FGD2: variants seen among roughly 807,000 people sequenced by gnomAD.
FGD2 encodes FYVE, RhoGEF and PH domain containing 2, also known as FYVE, RhoGEF and PH domain-containing protein 2.
In FGD2, 52 loss-of-function variants were observed where a neutral mutation model predicts 75.9. The observed-to-expected ratio is 0.69, with a 90% CI of 0.55 to 0.86. The LOEUF is 0.86. Ranked by LOEUF, FGD2 falls within the 40% of genes least tolerant of loss-of-function variation. The pLI is 0.00. For synonymous variants in FGD2, 347 were observed against 348.6 expected, an observed-to-expected ratio of 1.00 and a Z score of 0.05; for missense variants, 790 against 872.0, an observed-to-expected ratio of 0.91 and a Z score of 1.18.
chr6:37,016,511 C>T (rs1765302731), intron 9 of FGD2, among the ~76,000 whole-genome samples: 1 of 149,996 alleles, frequency 6.7e-6, no homozygotes, highest in Non-Finnish European at 1.5e-5. Flanking sequence ...CCCCATGATG[C>T]AGGGGCTGTT....
chr6:37,028,273 G>T lies in FGD2; in HGVS notation c.*110G>T. On this transcript the variant is annotated 3_prime_UTR_variant, in exon 16 of 16. Transcript: ENST00000274963. Reference sequence around the variant, plus strand: ...CACTGCCCCAAGTGGTGCTTTCAGAGAATTGATTCAGCCATCTGCGCCCAG... The same window carrying T: ...CACTGCCCCAAGTGGTGCTTTCAGATAATTGATTCAGCCATCTGCGCCCAG... 1 of 1,126,286 alleles carries T rather than the reference G, an allele frequency of 8.9e-7. No homozygotes were observed. The highest frequency in any genetic ancestry group is 1.7e-5 in the South Asian group (1 of 59,278). The allele number at this position is 1,126,286 out of a possible 1,614,324, so 69.8% of individuals were successfully genotyped here.
At chr6:37,012,113 A>G in intron 4 of FGD2, 1 of 406,228 alleles carries the variant, frequency 2.5e-6, no homozygotes, top group Non-Finnish European at 4.4e-6. Flanking sequence ...ACTTTGGGAC[A>G]GTGAAAATAG....
chr6:37,012,759 A>G (rs1765073511), intron 4 of FGD2, among the ~76,000 whole-genome samples: 1 of 151,408 alleles, frequency 6.6e-6, no homozygotes, highest in African/African-American at 2.4e-5. Flanking sequence ...ATATAACCCT[A>G]TGAGATCGCC....
At chr6:37,022,052 G>A (rs2150781641) in intron 12 of FGD2, 187 bp from the exon 13 acceptor site, 2 of 747,822 alleles carry the variant, frequency 2.7e-6, no homozygotes, top group South Asian at 2.2e-5. Context: ...TTATACAATA[G>A]GAATAATGGT....
chr6:37,021,567 C>A lies in FGD2; in HGVS notation c.1289C>A (p.Ala430Glu), dbSNP rs374091470. The change falls in exon 12 of 16, where the codon GCG (alanine) becomes GAG (glutamate). Residue 430 changes from alanine to glutamate, a missense_variant. Physicochemically the swap from Ala to Glu is moderately radical, Grantham distance 107 (BLOSUM62 -1). Transcript: ENST00000274963. ...IEKRNETFKA[A>E]AQGPEGDIQE... ...AAGCGGAATGAAACCTTCAAGGCTG[C>A]GGCCCAGGGGCCTGAGGGAGACATC... The A allele has an allele frequency of 2.5e-6, 4 of 1,613,972 alleles. No homozygotes were observed. Among genetic ancestry groups the A allele is most frequent in the Admixed American group, 1.7e-5 (1 of 60,000 alleles).
In FGD2 at chr6:37,025,802, C is replaced by T; in HGVS notation, c.1469C>T (p.Ala490Val). The change falls in exon 14 of 16, where the codon GCC (alanine) becomes GTC (valine). Residue 490 changes from alanine to valine, a missense_variant. Coordinates refer to ENST00000274963, the MANE Select transcript of FGD2 (RefSeq NM_173558.4). The part of the protein sequence containing the change: ...HCRACGYVVC[A>V]RCSDYRAELK... ...ATGTGTCCTCCTCAGGTGGTGTGTGCCAGGTGCTCCGACTACCGGGCCGAA... is the reference window on the plus strand; with the variant it reads ...ATGTGTCCTCCTCAGGTGGTGTGTGTCAGGTGCTCCGACTACCGGGCCGAA... 6.2e-7 allele frequency: 1 copy of T among 1,614,168 alleles called. No individual in the cohort carries two copies. Among genetic ancestry groups the T allele is most frequent in the Non-Finnish European group, 8.5e-7 (1 of 1,180,030 alleles).
intron 8 of FGD2, 124 bp from the exon 9 acceptor site, chr6:37,015,644 A>G: frequency 1.2e-6 from 1 of 825,968 alleles, no homozygotes; most frequent in Non-Finnish European, 2.0e-6. Flanking sequence ...GGCTGGCCAG[A>G]GTGTGTTCAA....
At chr6:37,025,476 C>T (rs1252250018) in intron 13 of FGD2, 4 of 375,556 alleles carry the variant, frequency 1.1e-5, no homozygotes, top group Non-Finnish European at 2.0e-5. Context: ...GGGGCAAGCC[C>T]CTTGGGTTCA....
chr6:37,027,028 T>A (rs1583329260), intron 14 of FGD2, among the ~76,000 whole-genome samples: 1 of 148,228 alleles, frequency 6.7e-6, no homozygotes, highest in Non-Finnish European at 1.5e-5. Context: ...AAAGTTGGCC[T>A]TTTTCCACGG....
Position 37,010,964 on chromosome 6 carries a change from C to A in FGD2, c.301-9C>A. The A allele has an allele frequency of 1.2e-6, 2 of 1,614,000 alleles. No individual in the cohort carries two copies. Among genetic ancestry groups the A allele is most frequent in the Non-Finnish European group, 1.7e-6 (2 of 1,179,834 alleles). ...TTTTTCTCCTTCTCTCCCCTCCAAT[C>A]CTCCGCAGGAGCCAGAGAAGAAGAT... On this transcript the variant is annotated splice_polypyrimidine_tract_variant and intron_variant, in intron 2 of 15. Coordinates refer to ENST00000274963, the MANE Select transcript of FGD2 (RefSeq NM_173558.4).
At chr6:37,005,994 G>T in intron 1 of FGD2, 109 bp downstream of exon 1, 1 of 1,244,342 alleles carries the variant, frequency 8.0e-7, no homozygotes, top group Non-Finnish European at 1.2e-6. Flanking sequence ...TCCTGCAGGG[G>T]CAGCCCCGCG....
chr6:37,016,202 G>T (rs1765282881), intron 9 of FGD2, among the ~76,000 whole-genome samples: 1 of 152,178 alleles, frequency 6.6e-6, no homozygotes, highest in Non-Finnish European at 1.5e-5. Flanking sequence ...TGAATCAGGA[G>T]GTCTGGGTGG....
intron 1 of FGD2, among the ~76,000 whole-genome samples, chr6:37,008,138 A>G (rs1013699507): frequency 6.6e-6 from 1 of 152,048 alleles, no homozygotes; most frequent in African/African-American, 2.4e-5. Flanking sequence ...TTGGCCTTCC[A>G]TTTCCTGGCC....
intron 3 of FGD2, 77 bp from the exon 4 acceptor site, chr6:37,011,628 TG>T: frequency 6.3e-7 from 1 of 1,590,526 alleles, no homozygotes; most frequent in South Asian, 1.1e-5. Flanking sequence ...GTAGGCTTGG[TG>T]GGACCCTAGT....
chr6:37,015,709 C>T (rs1765251285), intron 8 of FGD2, 59 bp from the exon 9 acceptor site: 1 of 1,501,912 alleles, frequency 6.7e-7, no homozygotes, highest in South Asian at 1.2e-5. Flanking sequence ...TCGGGGAAAC[C>T]CCACCTAGCC....
chr6:37,017,545 G>A (rs577840095), intron 9 of FGD2, among the ~76,000 whole-genome samples: 1 of 152,320 alleles, frequency 6.6e-6, no homozygotes, highest in Admixed American at 6.5e-5. Flanking sequence ...CAAGACTATG[G>A]TGGAATTTCT....
At position 37,005,877 on chromosome 6, in the gene FGD2, G is replaced by C. The variant is rs776108370; in HGVS notation, c.60G>C (p.Glu20Asp). The C allele has an allele frequency of 6.2e-7, 1 of 1,613,536 alleles. No homozygotes were observed. Among genetic ancestry groups the C allele is most frequent in the East Asian group, 2.2e-5 (1 of 44,876 alleles). Residue 20 changes from glutamate to aspartate, a missense_variant, in exon 1 of 16, where the codon GAG (glutamate) becomes GAC (aspartate). Glu to Asp is a conservative substitution (Grantham distance 45, BLOSUM62 2). Transcript: ENST00000274963. ...ASVSNLVTVF[E>D]NSRTPEAAPR... Reference sequence around the variant, plus strand: ...TGTCCAACCTGGTCACTGTGTTTGAGAATAGCAGGTATGGGCAGCTGGGGT... The same window carrying C: ...TGTCCAACCTGGTCACTGTGTTTGACAATAGCAGGTATGGGCAGCTGGGGT...
At position 37,005,785 on chromosome 6, in the gene FGD2, G is replaced by T. The variant is rs760397369; in HGVS notation, c.-33G>T. 5 of 1,611,456 alleles carry T rather than the reference G, an allele frequency of 3.1e-6. No homozygotes were observed. The highest frequency in any genetic ancestry group is 4.2e-6 in the Non-Finnish European group (5 of 1,178,878). ...CTGGAGGCCTCTCTCTCTGCTTCGA[G>T]GGTAGCTGAGATCCACCCCGGAAAC... On this transcript the variant is annotated 5_prime_UTR_variant, in exon 1 of 16. The change creates a new upstream start codon in the 5' untranslated region. Coordinates refer to ENST00000274963, the MANE Select transcript of FGD2 (RefSeq NM_173558.4).
At chr6:37,021,933 G>A in intron 12 of FGD2, 2 of 494,012 alleles carry the variant, frequency 4.0e-6, no homozygotes, top group South Asian at 6.2e-5. Context: ...AGGTGAGTGA[G>A]GTGGGGGCTG....
Sources: gnomAD v4.1 joint callset for allele counts (sites outside exome capture counted in the v4.1 genomes callset) on GRCh38, gnomAD v4.1.1 for gene constraint, MANE v1.5 for transcripts, NCBI Gene and HGNC (gene_info 2026-07-23, HGNC 2026-07-21) for gene names.